Variants in PUM1 observed in about 807,000 individuals in gnomAD.
PUM1 encodes the protein pumilio RNA binding family member 1.
In PUM1, 13 loss-of-function variants were observed where a neutral mutation model predicts 131.8. The ratio of observed to expected loss-of-function variants is 0.10; its 90% CI spans 0.06 to 0.16. The LOEUF (loss-of-function observed/expected upper bound fraction) is 0.16. Among genes scored for constraint, PUM1 ranks in the 10% least tolerant of loss-of-function variants. The probability of loss-of-function intolerance (pLI) is 1.00; values close to 1 mark genes in which losing one functional copy is unlikely to be tolerated. For missense variants in PUM1, 961 were observed against 1,512.4 expected (o/e 0.64, Z 6.05); for synonymous variants, 509 against 556.5 (o/e 0.91, Z 1.20).
At chr1:31,029,510 CCTAT>C (rs1409698372) in intron 2 of PUM1, among the ~76,000 whole-genome samples, 4 of 152,320 alleles carry the variant, frequency 2.6e-5, no homozygotes, top group Admixed American at 6.5e-5. Flanking sequence ...CTTCAATTTA[CCTAT>C]CTATCTCCAA....
chr1:30,936,774 C>T lies in PUM1; in HGVS notation c.3304G>A (p.Glu1102Lys), dbSNP rs1639225376. 6.2e-7 allele frequency: 1 copy of T among 1,613,914 alleles called. No homozygotes were observed. Residue 1102 changes from glutamate (E) to lysine (K), a missense_variant, in exon 21 of 22, where the codon GAG (glutamate) becomes AAG (lysine). By Grantham distance (56) the Glu-to-Lys change is moderately conservative (BLOSUM62 1). Transcript: ENST00000426105. Reference protein sequence around the residue: ...SRTERAVLIDEVCTMNDGPHS... With the variant: ...SRTERAVLIDKVCTMNDGPHS... ...GGACCGTCGTTCATGGTGCACACCT[C>T]ATCGATGAGCACAGCGCGCTCCGTA...
At chr1:31,047,567 T>C (rs559207955) in intron 2 of PUM1, among the ~76,000 whole-genome samples, 3 of 152,332 alleles carry the variant, frequency 2.0e-5, no homozygotes, top group Admixed American at 1.3e-4. Flanking sequence ...GCAAATGCTG[T>C]TGCCTGAGAG....
chr1:30,944,700 T>C (rs1639597487), intron 18 of PUM1, among the ~76,000 whole-genome samples: 1 of 152,230 alleles, frequency 6.6e-6, no homozygotes, highest in Admixed American at 6.5e-5. Context: ...ATTACCTGAA[T>C]TTTAAACCAA....
At chr1:30,963,012 A>G (rs942027347) in intron 14 of PUM1, among the ~76,000 whole-genome samples, 8 of 152,224 alleles carry the variant, frequency 5.3e-5, no homozygotes, top group Non-Finnish European at 1.0e-4. Context: ...TGAGTACATC[A>G]TGTAACAGGA....
intron 2 of PUM1, among the ~76,000 whole-genome samples, chr1:31,049,470 C>T (rs1015147983): frequency 2.0e-5 from 3 of 150,984 alleles, no homozygotes; most frequent in Non-Finnish European, 4.4e-5. Context: ...GAGCCAAGAT[C>T]GCGCCATTGC....
chr1:30,989,496 C>A (rs2124481638), intron 7 of PUM1, among the ~76,000 whole-genome samples: 1 of 139,800 alleles, frequency 7.2e-6, no homozygotes, highest in Non-Finnish European at 1.5e-5. Flanking sequence ...CGCTTGAACC[C>A]AGGAGGCGGA....
intron 3 of PUM1, among the ~76,000 whole-genome samples, chr1:31,019,034 A>G (rs1642925214): frequency 1.3e-5 from 2 of 152,340 alleles, no homozygotes; most frequent in African/African-American, 2.4e-5. Flanking sequence ...TCAAGTTGAG[A>G]TAAGAATTTG....
intron 2 of PUM1, among the ~76,000 whole-genome samples, chr1:31,030,752 T>C (rs553098451): frequency 8.5e-5 from 13 of 152,086 alleles, no homozygotes; most frequent in African/African-American, 2.9e-4. Context: ...TAGCTGCCTA[T>C]ACATTATATC....
At position 31,038,984 on chromosome 1, in the gene PUM1, ATTTTTT is replaced by A. The variant is rs35507851; in HGVS notation, c.364-10126_364-10121del. Among the ~76,000 whole-genome samples the A allele has an allele frequency of 1.3e-3, 62 of 49,414 alleles. 1 individual carries two copies. Among genetic ancestry groups the A allele is most frequent in the African/African-American group, 0.012 (59 of 4,828 alleles). The allele number at this position is 49,414 out of a possible 152,430, so 32.4% of individuals were successfully genotyped here. Reference sequence around the variant, plus strand: ...TATATATATATATATATATATATATATTTTTTTTTTTTTTTTCCTTTTCTCTTTTTG... The same window carrying A: ...TATATATATATATATATATATATATATTTTTTTTTTCCTTTTCTCTTTTTG... On this transcript the variant is annotated intron_variant, in intron 2 of 21. Coordinates refer to ENST00000426105, the MANE Select transcript of PUM1 (RefSeq NM_001020658.2).
rs1321020031 is a variant in PUM1, at chr1:31,039,222, AT to A, written c.364-10359del. Among the ~76,000 whole-genome samples, 621 of 111,930 alleles carry A rather than the reference AT, an allele frequency of 5.5e-3. 4 individuals carry two copies. Among genetic ancestry groups the A allele is most frequent in the African/African-American group, 9.8e-3 (285 of 29,126 alleles). 73.4% of individuals were successfully genotyped at this position (111,930 alleles called of 152,430 possible). A position where few individuals can be genotyped will look rare whatever the true frequency, so the allele number is the denominator to read the frequency against. On this transcript the variant is annotated intron_variant, in intron 2 of 21. Coordinates refer to ENST00000426105, the MANE Select transcript of PUM1 (RefSeq NM_001020658.2). ...TGTTACCCACGCTAACAAAAAAAAA[AT>A]TTTTTTTTTTTTTGAGGCAGAGTCT...
intron 2 of PUM1, among the ~76,000 whole-genome samples, chr1:31,036,413 T>C (rs1227919732): frequency 6.6e-6 from 1 of 152,010 alleles, no homozygotes; most frequent in East Asian, 1.9e-4. Context: ...CCTGTTGTCA[T>C]CAAAGGCAAG....
chr1:30,986,252 G>A (rs545471830), intron 7 of PUM1, among the ~76,000 whole-genome samples: 5 of 152,146 alleles, frequency 3.3e-5, no homozygotes, highest in Non-Finnish European at 7.3e-5. Context: ...ACCATGCTTG[G>A]CCTCTTATGT....
intron 2 of PUM1, among the ~76,000 whole-genome samples, chr1:31,042,711 A>T (rs1314658911): frequency 1.3e-5 from 2 of 152,242 alleles, no homozygotes; most frequent in Non-Finnish European, 2.9e-5. Context: ...ACTTTGCAGT[A>T]CTTTCTTCCA....
At chr1:31,022,959 A>C (rs1236535230) in intron 3 of PUM1, among the ~76,000 whole-genome samples, 1 of 152,106 alleles carries the variant, frequency 6.6e-6, no homozygotes, top group Admixed American at 6.6e-5. Context: ...ACTGGAAGTC[A>C]CGAGTTTGAG....
intron 18 of PUM1, among the ~76,000 whole-genome samples, 163 bp downstream of exon 18, chr1:30,945,183 G>A (rs557421719): frequency 4.0e-4 from 61 of 152,224 alleles, no homozygotes; most frequent in African/African-American, 1.2e-3. Flanking sequence ...GTAGTGAGCC[G>A]TGATGGTGCC....
chr1:30,953,393 T>C (rs1439569125), intron 15 of PUM1, among the ~76,000 whole-genome samples: 3 of 152,348 alleles, frequency 2.0e-5, no homozygotes, highest in African/African-American at 4.8e-5. Flanking sequence ...CTACATAGAC[T>C]GTCACTTCTA....
chr1:31,048,300 T>C (rs945155605), intron 2 of PUM1, among the ~76,000 whole-genome samples: 3 of 151,676 alleles, frequency 2.0e-5, no homozygotes, highest in African/African-American at 7.2e-5. Flanking sequence ...CTTATTACTT[T>C]ACAGTTTACA....
At chr1:31,001,784 C>T (rs1294438049) in intron 5 of PUM1, among the ~76,000 whole-genome samples, 1 of 152,208 alleles carries the variant, frequency 6.6e-6, no homozygotes, top group Non-Finnish European at 1.5e-5. Flanking sequence ...GCTAGACATA[C>T]TATGTTTTTT....
chr1:31,045,020 G>A (rs187459259), intron 2 of PUM1, among the ~76,000 whole-genome samples: 90 of 152,216 alleles, frequency 5.9e-4, no homozygotes, highest in African/African-American at 1.8e-3. Flanking sequence ...TGTTGGTCTC[G>A]ATCTCCTGAC....
Sources: allele counts gnomAD v4.1 joint callset (sites outside exome capture counted in the v4.1 genomes callset), GRCh38; gene constraint gnomAD v4.1.1; transcripts MANE v1.5; gene names NCBI Gene and HGNC (gene_info 2026-07-23, HGNC 2026-07-21).